The following CGB7 variants were observed in gnomAD, a reference collection of about 807,000 sequenced individuals.
CGB7 encodes choriogonadotropin subunit beta 7.
CGB7 carries 6 observed loss-of-function variants against 7.3 expected under a neutral mutation model. That is an observed-to-expected ratio of 0.82 (90% CI 0.45 to 1.62). The LOEUF is 1.62. CGB7 is among the 40% of genes most tolerant of loss of function. The pLI, the probability that CGB7 is intolerant of heterozygous loss-of-function variation, is 0.01. For missense variants in CGB7, 114 were observed against 236.2 expected (o/e 0.48, Z 3.39); for synonymous variants, 47 against 100.8 (o/e 0.47, Z 3.20).
At position 49,056,022 on chromosome 19, in the gene CGB7, G is replaced by T; in HGVS notation, c.-647C>A. The T allele has an allele frequency of 8.6e-7, 1 of 1,156,732 alleles. No individual in the cohort carries two copies. Among genetic ancestry groups the T allele is most frequent in the Non-Finnish European group, 1.1e-6 (1 of 925,182 alleles). The allele number at this position is 1,156,732 out of a possible 1,614,324, so 71.7% of individuals were successfully genotyped here. ...GGTGATTTAACTGATTATTGAATAGGCCCGCAGGAGGTGTGTCCTGCCCGC... is the reference window on the plus strand; with the variant it reads ...GGTGATTTAACTGATTATTGAATAGTCCCGCAGGAGGTGTGTCCTGCCCGC... On this transcript the variant is annotated 5_prime_UTR_variant, in exon 3 of 5. Coordinates refer to ENST00000684222, the MANE Select transcript of CGB7 (RefSeq NM_001385261.1).
In CGB7 at chr19:49,054,394, T is replaced by C; in HGVS notation, c.395A>G (p.Asp132Gly). 1 of 1,605,162 alleles carries C rather than the reference T, an allele frequency of 6.2e-7. No homozygotes were observed. Residue 132 changes from aspartate (D) to glycine (G), a missense_variant, in exon 5 of 5, where the codon GAC becomes GGC. This residue lies in a region of CGB7 where 36 missense variants were observed against 126.1 expected (regional missense o/e 0.29). Coordinates refer to ENST00000684222, the MANE Select transcript of CGB7 (RefSeq NM_001385261.1). ...GPKDHPLTCD[D>G]PRFQASSSSK... ...GGAAGAGGAGGCCTGGAAGCGGGGG[T>C]CATCACAGGTCAAGGGGTGGTCCTT...
In CGB7 at chr19:49,055,791, C is replaced by G. The variant is rs754265541; in HGVS notation, c.-416G>C. 574 of 1,116,162 alleles carry G rather than the reference C, an allele frequency of 5.1e-4. 4 individuals are homozygous for G. The highest frequency in any genetic ancestry group is 5.6e-4 in the Non-Finnish European group (510 of 906,500). 69.1% of individuals were successfully genotyped at this position (1,116,162 alleles called of 1,614,324 possible). Reference sequence around the variant, plus strand: ...GAGCCATTCCTGCACCACAGTCCAACCTAACAGGAGGGGCGCGGCTTCGGA... The same window carrying G: ...GAGCCATTCCTGCACCACAGTCCAAGCTAACAGGAGGGGCGCGGCTTCGGA... On this transcript the variant is annotated 5_prime_UTR_variant, in exon 3 of 5. Coordinates refer to ENST00000684222, the MANE Select transcript of CGB7 (RefSeq NM_001385261.1).
intron 3 of CGB7, 112 bp downstream of exon 3, chr19:49,055,249 C>T (rs2040042572): frequency 6.9e-6 from 11 of 1,603,834 alleles, no homozygotes; most frequent in African/African-American, 1.3e-5. Context: ...TATTGGGGGT[C>T]ACGCTCCTCC....
Position 49,056,461 on chromosome 19 carries a change from C to G in CGB7, c.-1086G>C, listed in dbSNP as rs1427102842. The stretch of plus-strand genomic sequence containing the variant: ...TTTCCTGAGCCGGAGACATGGCCCG[C>G]CGTGCGGCGCTCGAGGCGGCCTGGA... On this transcript the variant is annotated 5_prime_UTR_variant, in exon 3 of 5. Coordinates refer to ENST00000684222, the MANE Select transcript of CGB7 (RefSeq NM_001385261.1). 1.5e-6 allele frequency: 2 copies of G among 1,299,730 alleles called. No individual in the cohort carries two copies. The highest frequency in any genetic ancestry group is 4.5e-5 in the Admixed American group (2 of 43,998). 80.5% of individuals were successfully genotyped at this position (1,299,730 alleles called of 1,614,324 possible). A position where few individuals can be genotyped will look rare whatever the true frequency, so the allele number is the denominator to read the frequency against.
chr19:49,055,562 G>A lies in CGB7; in HGVS notation c.-187C>T. On this transcript the variant is annotated 5_prime_UTR_variant, in exon 3 of 5. Coordinates refer to ENST00000684222, the MANE Select transcript of CGB7 (RefSeq NM_001385261.1). ...AGCACCCCAGTCCTCTCCCCTCAGT[G>A]GTCTAGCGCCAAGGATGAGGCGGAG... The A allele has an allele frequency of 6.6e-7, 1 of 1,524,234 alleles. No individual in the cohort carries two copies. Among genetic ancestry groups the A allele is most frequent in the Non-Finnish European group, 8.8e-7 (1 of 1,136,204 alleles). 94.4% of individuals were successfully genotyped at this position (1,524,234 alleles called of 1,614,324 possible).
Position 49,055,649 on chromosome 19 carries a change from G to C in CGB7, c.-274C>G. 7.2e-7 allele frequency: 1 copy of C among 1,398,360 alleles called. No individual in the cohort carries two copies. Among genetic ancestry groups the C allele is most frequent in the Non-Finnish European group, 9.3e-7 (1 of 1,075,208 alleles). 86.6% of individuals were successfully genotyped at this position (1,398,360 alleles called of 1,614,324 possible). On this transcript the variant is annotated 5_prime_UTR_variant, in exon 3 of 5. Transcript: ENST00000684222. ...GTGCTAGGGACTAGTCGAGGCTGGA[G>C]GCACAGAGAGTAGGGTGTAGGAAGG...
chr19:49,056,299 G>C lies in CGB7; in HGVS notation c.-924C>G. 1 of 1,292,820 alleles carries C rather than the reference G, an allele frequency of 7.7e-7. No homozygotes were observed. Among genetic ancestry groups the C allele is most frequent in the Non-Finnish European group, 1.0e-6 (1 of 990,658 alleles). 80.1% of individuals were successfully genotyped at this position (1,292,820 alleles called of 1,614,324 possible). On this transcript the variant is annotated 5_prime_UTR_variant, in exon 3 of 5. Transcript: ENST00000684222. ...CTAGCCCCGGCTTACAGCGGCCTGA[G>C]CGGGAGTTCTCGGTGCTGTAGGCTT...
chr19:49,057,207 T>A lies in CGB7; in HGVS notation c.-1307A>T, dbSNP rs929514988. 6 of 1,534,184 alleles carry A rather than the reference T, an allele frequency of 3.9e-6. No homozygotes were observed. Among genetic ancestry groups the A allele is most frequent in the Non-Finnish European group, 5.2e-6 (6 of 1,146,278 alleles). On this transcript the variant is annotated 5_prime_UTR_variant, in exon 2 of 5. Coordinates refer to ENST00000684222, the MANE Select transcript of CGB7 (RefSeq NM_001385261.1). The stretch of plus-strand genomic sequence containing the variant: ...CGCCCCGGTCGGATACTGTGAAGGG[T>A]GGGCCAGACAGCGCGGGGTTCTTCG...
intron 2 of CGB7, 55 bp downstream of exon 2, chr19:49,057,066 A>T (rs2122210297): frequency 2.6e-6 from 4 of 1,516,478 alleles, no homozygotes; most frequent in Admixed American, 2.0e-5. Context: ...CTCGGCGTGC[A>T]CCGGCCATGG....
rs1222425056 is a variant in CGB7 at position 49,056,270 on chromosome 19, C to T, written c.-895G>A. The T allele has an allele frequency of 7.7e-7, 1 of 1,290,776 alleles. No individual in the cohort carries two copies. The highest frequency in any genetic ancestry group is 1.0e-6 in the Non-Finnish European group (1 of 989,554). The allele number at this position is 1,290,776 out of a possible 1,614,324, so 80.0% of individuals were successfully genotyped here. A position where few individuals can be genotyped will look rare whatever the true frequency, so the allele number is the denominator to read the frequency against. On this transcript the variant is annotated 5_prime_UTR_variant, in exon 3 of 5. Transcript: ENST00000684222. ...TGGGGTGGGGCTGGCCCGGCAGGCT[C>T]CCACTAGCCCCGGCTTACAGCGGCC...
rs867296814 is a variant in CGB7, at chr19:49,056,291, C to A, written c.-916G>T. The A allele has an allele frequency of 8.5e-6, 11 of 1,291,914 alleles. No individual in the cohort carries two copies. The highest frequency in any genetic ancestry group is 1.2e-5 in the South Asian group (1 of 81,718). 80.0% of individuals were successfully genotyped at this position (1,291,914 alleles called of 1,614,324 possible). A position where few individuals can be genotyped will look rare whatever the true frequency, so the allele number is the denominator to read the frequency against. On this transcript the variant is annotated 5_prime_UTR_variant, in exon 3 of 5. Transcript: ENST00000684222. ...GGCTCCCACTAGCCCCGGCTTACAG[C>A]GGCCTGAGCGGGAGTTCTCGGTGCT...
In CGB7 at chr19:49,054,578, CCGGCAGGACCCCCTGCAGCACG is replaced by C; in HGVS notation, c.189_210del (p.Val64ProfsTer26). 1 of 1,209,898 alleles carries C rather than the reference CCGGCAGGACCCCCTGCAGCACG, an allele frequency of 8.3e-7. No individual in the cohort carries two copies. Among genetic ancestry groups the C allele is most frequent in the South Asian group, 1.4e-5 (1 of 70,814 alleles). 74.9% of individuals were successfully genotyped at this position (1,209,898 alleles called of 1,614,324 possible). On this transcript the variant is annotated frameshift_variant, in exon 5 of 5. Transcript: ENST00000684222. LOFTEE classifies it low-confidence loss of function (END_TRUNC). ...TAGTTGCACACCACCTGAGGCAGGG[CCGGCAGGACCCCCTGCAGCACG>C]CGGGTCTGGAAGCCGTGTGAGTGGG...
Position 49,056,432 on chromosome 19 carries a change from T to C in CGB7, c.-1057A>G, listed in dbSNP as rs750847656. On this transcript the variant is annotated 5_prime_UTR_variant, in exon 3 of 5. Coordinates refer to ENST00000684222, the MANE Select transcript of CGB7 (RefSeq NM_001385261.1). ...GCGGAGCGGGTGCGGCGAGGAGCTG[T>C]AGGTTTCCTGAGCCGGAGACATGGC... 68 of 1,297,904 alleles carry C rather than the reference T, an allele frequency of 5.2e-5. 1 individual carries two copies. In the East Asian group the frequency reaches 2.2e-3, roughly 42 times the overall value. 80.4% of individuals were successfully genotyped at this position (1,297,904 alleles called of 1,614,324 possible).
Position 49,057,677 on chromosome 19 carries a change from G to A in CGB7, c.-1564C>T, listed in dbSNP as rs1181610047. The stretch of plus-strand genomic sequence containing the variant: ...GTCTCCTCCCCACCCACAGCCCGCC[G>A]TCTAGCTCCGCAGCAGCTTAGGAGC... On this transcript the variant is annotated 5_prime_UTR_variant, in exon 1 of 5. It adds an upstream start codon to the 5' untranslated region. Transcript: ENST00000684222. The A allele has an allele frequency of 7.2e-6, 9 of 1,243,620 alleles. No individual in the cohort carries two copies. The highest frequency in any genetic ancestry group is 1.6e-5 in the African/African-American group (1 of 64,090). 77.0% of individuals were successfully genotyped at this position (1,243,620 alleles called of 1,614,324 possible). A position where few individuals can be genotyped will look rare whatever the true frequency, so the allele number is the denominator to read the frequency against.
rs891785916 is a variant in CGB7 at position 49,057,494 on chromosome 19, G to A, written c.-1381C>T. On this transcript the variant is annotated 5_prime_UTR_variant, in exon 1 of 5. Transcript: ENST00000684222. ...AATCCAAGCCCTCCTGCTGGTCAAG[G>A]AACTCAAATGCAGGCCCCCAGCCAC... The A allele has an allele frequency of 8.8e-6, 11 of 1,251,988 alleles. No individual in the cohort carries two copies. Among genetic ancestry groups the A allele is most frequent in the Middle Eastern group, 3.2e-4 (1 of 3,100 alleles). 77.6% of individuals were successfully genotyped at this position (1,251,988 alleles called of 1,614,324 possible). A position where few individuals can be genotyped will look rare whatever the true frequency, so the allele number is the denominator to read the frequency against.
chr19:49,057,646 A>G lies in CGB7; in HGVS notation c.-1533T>C. On this transcript the variant is annotated 5_prime_UTR_variant, in exon 1 of 5. Coordinates refer to ENST00000684222, the MANE Select transcript of CGB7 (RefSeq NM_001385261.1). The stretch of plus-strand genomic sequence containing the variant: ...CTCCCACCCTACCACGTCTCAGAAT[A>G]TTCTAGTCTCCTCCCCACCCACAGC... The G allele has an allele frequency of 8.4e-7, 1 of 1,191,974 alleles. No homozygotes were observed. Among genetic ancestry groups the G allele is most frequent in the African/African-American group, 1.6e-5 (1 of 62,530 alleles). 73.8% of individuals were successfully genotyped at this position (1,191,974 alleles called of 1,614,324 possible).
chr19:49,055,592 C>G lies in CGB7; in HGVS notation c.-217G>C, dbSNP rs974591937. The G allele has an allele frequency of 1.0e-5, 15 of 1,467,914 alleles. No homozygotes were observed. In the African/African-American group the frequency reaches 1.4e-4, roughly 14 times the overall value. The allele number at this position is 1,467,914 out of a possible 1,614,324, so 90.9% of individuals were successfully genotyped here. On this transcript the variant is annotated 5_prime_UTR_variant, in exon 3 of 5. Coordinates refer to ENST00000684222, the MANE Select transcript of CGB7 (RefSeq NM_001385261.1). Reference sequence around the variant, plus strand: ...AGCGCCAAGGATGAGGCGGAGACCACGGTGAAGTGACCTCTGAGACTCAGT... The same window carrying G: ...AGCGCCAAGGATGAGGCGGAGACCAGGGTGAAGTGACCTCTGAGACTCAGT...
Position 49,054,482 on chromosome 19 carries a change from C to T in CGB7, c.307G>A (p.Ala103Thr), listed in dbSNP as rs752113515. Residue 103 changes from alanine (A) to threonine (T), a missense_variant, in exon 5 of 5, where the codon GCC becomes ACC. Around this residue, in one of 3 missense-constraint regions of CGB7, gnomAD observed 36 missense variants for 126.1 expected, o/e 0.29. Transcript: ENST00000684222. Reference protein sequence around the residue: ...PRGVNPVVSYAVALSCQCALC... With the variant: ...PRGVNPVVSYTVALSCQCALC... The stretch of plus-strand genomic sequence containing the variant: ...GCACATTGACAGCTGAGAGCCACGG[C>T]GTAGGAGACCACGGGGTTCACGCCG... 2.7e-5 allele frequency: 43 copies of T among 1,569,536 alleles called. No homozygotes were observed. The highest frequency in any genetic ancestry group is 8.7e-5 in the Admixed American group (5 of 57,200).
At chr19:49,057,435 T>TGGAA (rs2122211610) in intron 1 of CGB7, 27 bp downstream of exon 1, 1 of 1,364,044 alleles carries the variant, frequency 7.3e-7, no homozygotes, top group South Asian at 1.5e-5. Context: ...GCTTCCTTTC[T>TGGAA]CATACCCGAA....
Sources: allele counts gnomAD v4.1 joint callset, GRCh38; gene constraint gnomAD v4.1.1; regional missense constraint gnomAD v4.1.1; transcripts MANE v1.5; gene names NCBI Gene and HGNC (gene_info 2026-07-23, HGNC 2026-07-21).